BCAS3: variants seen among roughly 807,000 people sequenced by gnomAD.
BCAS3 encodes the protein BCAS4/BCAS3 fusion.
Under a neutral mutation model 116.1 loss-of-function variants are expected in BCAS3, and 53 were observed. That is an observed-to-expected ratio of 0.46 (90% CI 0.37 to 0.57). The LOEUF is 0.57. BCAS3 is among the 20% of genes least tolerant of loss of function. The pLI is 0.00. For missense variants in BCAS3, 917 were observed against 1,165.4 expected (o/e 0.79, Z 3.10); for synonymous variants, 391 against 408.2 (o/e 0.96, Z 0.51).
intron 6 of BCAS3, among the ~76,000 whole-genome samples, chr17:60,807,580 G>A (rs1418784058): frequency 6.6e-6 from 1 of 152,060 alleles, no homozygotes; most frequent in Non-Finnish European, 1.5e-5. Context: ...TCAGGAGTGT[G>A]AGACCAGGCT....
In BCAS3 at chr17:61,198,930, G is replaced by T. The variant is rs2080656700; in HGVS notation, c.2425+114366G>T. Among the ~76,000 whole-genome samples the T allele has an allele frequency of 1.3e-5, 2 of 152,148 alleles. No homozygotes were observed. The highest frequency in any genetic ancestry group is 2.4e-5 in the African/African-American group (1 of 41,422). On this transcript the variant is annotated intron_variant, in intron 22 of 23. Coordinates refer to ENST00000407086, the MANE Select transcript of BCAS3 (RefSeq NM_017679.5). The surrounding 1 kb of genome is among the most constrained non-coding windows in gnomAD (Gnocchi z 5.0). ...TAATGATACTTAGAAATCACTGATTGTTCCTTGATGATGAATGCCTTTAAT... is the reference window on the plus strand; with the variant it reads ...TAATGATACTTAGAAATCACTGATTTTTCCTTGATGATGAATGCCTTTAAT...
At chr17:61,177,406 A>C (rs1170365964) in intron 22 of BCAS3, among the ~76,000 whole-genome samples, 3 of 152,252 alleles carry the variant, frequency 2.0e-5, no homozygotes, top group Non-Finnish European at 4.4e-5. Flanking sequence ...TAAATGCGAT[A>C]ATATGGGTGG....
rs2063784951 is a variant in BCAS3 at position 60,995,537 on chromosome 17, A to T, written c.1486+5302A>T. On this transcript the variant is annotated intron_variant, in intron 15 of 23. Coordinates refer to ENST00000407086, the MANE Select transcript of BCAS3 (RefSeq NM_017679.5). The surrounding 1 kb of genome is among the most constrained non-coding windows in gnomAD (Gnocchi z 4.7). ...GGTCTCAAACTCCTGACCTCAAGTG[A>T]TCCACCTGCCTCAGCCTCCCAAGGT... 6.6e-6 allele frequency among the ~76,000 whole-genome samples: 1 copy of T among 152,096 alleles called. No individual in the cohort carries two copies. Among genetic ancestry groups the T allele is most frequent in the Non-Finnish European group, 1.5e-5 (1 of 68,022 alleles).
chr17:60,738,702 A>G (rs2041222845), intron 5 of BCAS3, among the ~76,000 whole-genome samples: 1 of 152,178 alleles, frequency 6.6e-6, no homozygotes, highest in Non-Finnish European at 1.5e-5. Context: ...GATTATTGAT[A>G]TAGATGGATA....
At chr17:60,903,170 A>G (rs574913518) in intron 11 of BCAS3, among the ~76,000 whole-genome samples, 2 of 152,308 alleles carry the variant, frequency 1.3e-5, no homozygotes, top group East Asian at 1.9e-4. Context: ...TCTTGTAACC[A>G]CTATCCTTTA....
Position 61,136,435 on chromosome 17 carries a change from AG to A in BCAS3, c.2425+51872del, listed in dbSNP as rs1486176868. Among the ~76,000 whole-genome samples the A allele has an allele frequency of 1.3e-5, 2 of 152,196 alleles. No homozygotes were observed. Among genetic ancestry groups the A allele is most frequent in the Admixed American group, 1.3e-4 (2 of 15,286 alleles). The stretch of plus-strand genomic sequence containing the variant: ...TTGGACTGGACAATTCTTTGTGTGC[AG>A]CTGTTTTATGCATCATATAGGATGT... On this transcript the variant is annotated intron_variant, in intron 22 of 23. Transcript: ENST00000407086. This position sits in a 1 kb window ranked among gnomAD's most constrained non-coding sequence, Gnocchi z 4.4.
At chr17:60,946,201 C>T (rs942440534) in intron 13 of BCAS3, among the ~76,000 whole-genome samples, 2 of 152,186 alleles carry the variant, frequency 1.3e-5, no homozygotes, top group African/African-American at 4.8e-5. Context: ...ACAGTGTCTT[C>T]AAGAAGTCTT....
rs1339012144 is a variant in BCAS3, at chr17:61,346,891, G to C, written c.2426-21436G>C. On this transcript the variant is annotated intron_variant, in intron 22 of 23. Transcript: ENST00000407086. This position sits in a 1 kb window ranked among gnomAD's most constrained non-coding sequence, Gnocchi z 5.4. ...GGCTTCCCAGAGGAGCTTGCACTTG[G>C]GCTAAGTCTCAAATCTGCAGAAGGC... 6.6e-6 allele frequency among the ~76,000 whole-genome samples: 1 copy of C among 152,110 alleles called. No homozygotes were observed. The highest frequency in any genetic ancestry group is 1.5e-5 in the Non-Finnish European group (1 of 68,034).
rs191529488 is a variant in BCAS3 at position 60,684,937 on chromosome 17, G to C, written c.138+901G>C. On this transcript the variant is annotated intron_variant, in intron 3 of 23. Coordinates refer to ENST00000407086, the MANE Select transcript of BCAS3 (RefSeq NM_017679.5). Reference sequence around the variant, plus strand: ...TGGGAAAAAAAGGAGAAAAGAAACAGTGTTATGGTAATATAGTAGAAGGAA... The same window carrying C: ...TGGGAAAAAAAGGAGAAAAGAAACACTGTTATGGTAATATAGTAGAAGGAA... 2.6e-5 allele frequency among the ~76,000 whole-genome samples: 4 copies of C among 152,260 alleles called. No individual in the cohort carries two copies. In the South Asian group the frequency reaches 8.3e-4, roughly 32 times the overall value.
At chr17:60,944,587 A>G (rs928579199) in intron 13 of BCAS3, among the ~76,000 whole-genome samples, 1 of 152,122 alleles carries the variant, frequency 6.6e-6, no homozygotes, top group Non-Finnish European at 1.5e-5. Flanking sequence ...AGAAAACCAC[A>G]AATCAGTATT....
rs760681121 is a variant in BCAS3 at position 61,276,783 on chromosome 17, C to T, written c.2426-91544C>T. ...TGAAAAAGAACAAAGTTGAAGGCCT[C>T]GACTTTTCAATTTCAAAATATACTT... On this transcript the variant is annotated intron_variant, in intron 22 of 23. Transcript: ENST00000407086. This position sits in a 1 kb window ranked among gnomAD's most constrained non-coding sequence, Gnocchi z 4.2. 7.9e-5 allele frequency among the ~76,000 whole-genome samples: 12 copies of T among 152,196 alleles called. No homozygotes were observed. The highest frequency in any genetic ancestry group is 1.4e-4 in the African/African-American group (6 of 41,520).
rs1177638502 is a variant in BCAS3 at position 61,281,657 on chromosome 17, C to T, written c.2426-86670C>T. 6.6e-6 allele frequency among the ~76,000 whole-genome samples: 1 copy of T among 152,044 alleles called. No individual in the cohort carries two copies. The highest frequency in any genetic ancestry group is 1.5e-5 in the Non-Finnish European group (1 of 67,992). On this transcript the variant is annotated intron_variant, in intron 22 of 23. Transcript: ENST00000407086. This position sits in a 1 kb window ranked among gnomAD's most constrained non-coding sequence, Gnocchi z 4.2. ...TTCATGGTCTTTACCCATCTTTATA[C>T]TGGGTTTTTTATCTTATTCATATTG... is the stretch of plus-strand genomic sequence containing the variant.
intron 9 of BCAS3, among the ~76,000 whole-genome samples, chr17:60,883,981 T>C (rs2056411986): frequency 1.3e-5 from 1 of 74,910 alleles, no homozygotes; most frequent in Non-Finnish European, 2.6e-5. Flanking sequence ...GAGGATTCCC[T>C]CTTTTTCTAT....
chr17:61,325,612 G>A lies in BCAS3; in HGVS notation c.2426-42715G>A, dbSNP rs1057414857. On this transcript the variant is annotated intron_variant, in intron 22 of 23. Coordinates refer to ENST00000407086, the MANE Select transcript of BCAS3 (RefSeq NM_017679.5). This position sits in a 1 kb window ranked among gnomAD's most constrained non-coding sequence, Gnocchi z 6.4. ...GGCAGCACAGCCACTGCCGCAGGGAGCATTGATATATGGCCCAAGCAAGGG... is the reference window on the plus strand; with the variant it reads ...GGCAGCACAGCCACTGCCGCAGGGAACATTGATATATGGCCCAAGCAAGGG... 1.3e-5 allele frequency among the ~76,000 whole-genome samples: 2 copies of A among 152,208 alleles called. No individual in the cohort carries two copies. Among genetic ancestry groups the A allele is most frequent in the South Asian group, 4.1e-4 (2 of 4,828 alleles).
intron 6 of BCAS3, among the ~76,000 whole-genome samples, chr17:60,755,348 T>G (rs1434783503): frequency 6.6e-6 from 1 of 152,186 alleles, no homozygotes; most frequent in African/African-American, 2.4e-5. Flanking sequence ...TTATTACCAC[T>G]TTTCCACTAT....
rs534160000 is a variant in BCAS3, at chr17:61,213,415, G to A, written c.2425+128851G>A. 1.3e-5 allele frequency among the ~76,000 whole-genome samples: 2 copies of A among 152,100 alleles called. No individual in the cohort carries two copies. Among genetic ancestry groups the A allele is most frequent in the Non-Finnish European group, 2.9e-5 (2 of 68,000 alleles). ...GAACTCCTGACCTCGTGATCCACCC[G>A]CCTCGACTTCCCAAAGTGCTGGGAT... On this transcript the variant is annotated intron_variant, in intron 22 of 23. Coordinates refer to ENST00000407086, the MANE Select transcript of BCAS3 (RefSeq NM_017679.5). The surrounding 1 kb of genome is among the most constrained non-coding windows in gnomAD (Gnocchi z 5.4).
intron 22 of BCAS3, among the ~76,000 whole-genome samples, chr17:61,099,312 CTGATTAATAATGATAGTCAGTGA>C (rs1329061920): frequency 2.6e-5 from 4 of 152,050 alleles, no homozygotes; most frequent in African/African-American, 7.2e-5. Flanking sequence ...TTCTTGATAT[CTGATTAATAATGATAGTCAGTGA>C]TGATTAATAA....
Position 61,004,463 on chromosome 17 carries a change from C to T in BCAS3, c.1487-11288C>T, listed in dbSNP as rs927218504. On this transcript the variant is annotated intron_variant, in intron 15 of 23. Transcript: ENST00000407086. The surrounding 1 kb of genome is among the most constrained non-coding windows in gnomAD (Gnocchi z 4.8). The stretch of plus-strand genomic sequence containing the variant: ...GTAGCCAGAGTTTGAATGATTGACC[C>T]ATATGAACAGATTTAGAAATTATCA... 6.6e-6 allele frequency among the ~76,000 whole-genome samples: 1 copy of T among 151,684 alleles called. No homozygotes were observed. Among genetic ancestry groups the T allele is most frequent in the African/African-American group, 2.4e-5 (1 of 41,280 alleles).
chr17:61,145,921 C>G lies in BCAS3; in HGVS notation c.2425+61357C>G, dbSNP rs534745356. On this transcript the variant is annotated intron_variant, in intron 22 of 23. Coordinates refer to ENST00000407086, the MANE Select transcript of BCAS3 (RefSeq NM_017679.5). The surrounding 1 kb of genome is among the most constrained non-coding windows in gnomAD (Gnocchi z 5.0). ...CCACTTGTTTGCAGAGACTGCCAAA[C>G]CTTCCATTGCCGCTTCCAAGATACT... 2.0e-4 allele frequency among the ~76,000 whole-genome samples: 31 copies of G among 152,002 alleles called. No individual in the cohort carries two copies. Among genetic ancestry groups the G allele is most frequent in the African/African-American group, 7.0e-4 (29 of 41,458 alleles).
Sources: gnomAD v4.1 joint callset for allele counts (sites outside exome capture counted in the v4.1 genomes callset) on GRCh38, gnomAD v4.1.1 for gene constraint, Gnocchi (gnomAD v3.1) non-coding constraint, MANE v1.5 for transcripts, NCBI Gene and HGNC (gene_info 2026-07-23, HGNC 2026-07-21) for gene names.